GFAP: variants seen among roughly 807,000 people sequenced by gnomAD.
GFAP encodes glial fibrillary acidic protein.
A neutral mutation model predicts 49.3 loss-of-function variants in GFAP; 38 were observed. That is an observed-to-expected ratio of 0.77 (90% CI 0.60 to 1.01). The LOEUF (loss-of-function observed/expected upper bound fraction) is 1.01, where lower values mean the gene tolerates loss of function less well. GFAP is among the 50% of genes least tolerant of loss of function. The pLI, the probability that GFAP is intolerant of heterozygous loss-of-function variation, is 0.00. For synonymous variants in GFAP, 222 were observed against 236.4 expected, an observed-to-expected ratio of 0.94 and a Z score of 0.56; for missense variants, 463 against 579.1, an observed-to-expected ratio of 0.80 and a Z score of 2.06.
Position 44,904,659 on chromosome 17 carries a change from A to T in GFAP, c.*2688T>A, listed in dbSNP as rs769540429. 1 of 1,550,370 alleles carries T rather than the reference A, an allele frequency of 6.5e-7. No individual in the cohort carries two copies. The highest frequency in any genetic ancestry group is 8.7e-7 in the Non-Finnish European group (1 of 1,146,990). ...GTGCCCCAGGTGCCCATTCAGTTCC[A>T]CCAGCAGAGACTGGGCCATGGACTC... is the stretch of plus-strand genomic sequence containing the variant. On this transcript the variant is annotated 3_prime_UTR_variant, in exon 9 of 9. Coordinates refer to ENST00000588735, the MANE Select transcript of GFAP (RefSeq NM_002055.5).
rs2051607806 is a variant in GFAP at position 44,904,026 on chromosome 17, T to C, written c.*3321A>G. ...GAAGAGGTGCCAGCTGTAGTCTGGT[T>C]CTACCAAAAGCACCTAGGTAGCAGC... On this transcript the variant is annotated 3_prime_UTR_variant, in exon 9 of 9. Transcript: ENST00000588735. The C allele has an allele frequency of 1.3e-6, 2 of 1,550,530 alleles. No homozygotes were observed. The highest frequency in any genetic ancestry group is 3.9e-5 in the Admixed American group (2 of 50,984).
At position 44,907,272 on chromosome 17, in the gene GFAP, A is replaced by T; in HGVS notation, c.*75T>A. On this transcript the variant is annotated 3_prime_UTR_variant, in exon 9 of 9. Coordinates refer to ENST00000588735, the MANE Select transcript of GFAP (RefSeq NM_002055.5). The stretch of plus-strand genomic sequence containing the variant: ...CTCAGGTCTGGGGAAATGTGCCAGC[A>T]GAGGCGGAGCAACTATCCTGCTTCT... 1 of 1,380,308 alleles carries T rather than the reference A, an allele frequency of 7.2e-7. No individual in the cohort carries two copies. The highest frequency in any genetic ancestry group is 1.0e-6 in the Non-Finnish European group (1 of 967,360). 85.5% of individuals were successfully genotyped at this position (1,380,308 alleles called of 1,614,324 possible).
intron 1 of GFAP, chr17:44,914,367 A>G (rs908659470): frequency 6.3e-6 from 2 of 317,502 alleles, no homozygotes; most frequent in South Asian, 3.9e-5. Context: ...TCACTGTTGC[A>G]CACACACACA....
chr17:44,907,500 AC>A, intron 8 of GFAP, 112 bp from the exon 9 acceptor site: 13 of 770,650 alleles, frequency 1.7e-5, no homozygotes, highest in Middle Eastern at 2.3e-4. Context: ...CCCAGGTCTT[AC>A]TTTTCTTGAT....
Position 44,914,015 on chromosome 17 carries a change from C to T in GFAP, c.522+13G>A, listed in dbSNP as rs778488589. 2 of 1,541,608 alleles carry T rather than the reference C, an allele frequency of 1.3e-6. No homozygotes were observed. Among genetic ancestry groups the T allele is most frequent in the South Asian group, 2.4e-5 (2 of 84,786 alleles). On this transcript the variant is annotated intron_variant, in intron 2 of 8. Coordinates refer to ENST00000588735, the MANE Select transcript of GFAP (RefSeq NM_002055.5). ...TTCCTCCCTCCCCTGCCCCTCCCCT[C>T]CACCTCCCTGACCTGTCTATAGGCA...
intron 7 of GFAP, 86 bp from the exon 8 acceptor site, chr17:44,908,235 C>G (rs544149721): frequency 1.2e-5 from 11 of 893,922 alleles, no homozygotes; most frequent in African/African-American, 8.2e-5. Context: ...ATCGCACCCC[C>G]CTCCCCATCA....
intron 4 of GFAP, among the ~76,000 whole-genome samples, chr17:44,912,120 T>TG: frequency 6.6e-6 from 1 of 151,560 alleles, no homozygotes. Flanking sequence ...TTTTGTTTTT[T>TG]TGTTTTTTTT....
chr17:44,905,220 G>A lies in GFAP; in HGVS notation c.*2127C>T, dbSNP rs982533214. The A allele has an allele frequency of 1.5e-6, 1 of 661,882 alleles. No homozygotes were observed. Among genetic ancestry groups the A allele is most frequent in the Non-Finnish European group, 2.6e-6 (1 of 381,536 alleles). 41.0% of individuals were successfully genotyped at this position (661,882 alleles called of 1,614,324 possible). On this transcript the variant is annotated 3_prime_UTR_variant, in exon 9 of 9. Transcript: ENST00000588735. The stretch of plus-strand genomic sequence containing the variant: ...GCCTGCTCCCCATTTTCATGGGCAG[G>A]TCTGGGACCTGATCTGAGAAGTGGA...
chr17:44,913,720 G>A lies in GFAP; in HGVS notation c.618+8C>T, dbSNP rs752672003. 31 of 1,599,302 alleles carry A rather than the reference G, an allele frequency of 1.9e-5. No individual in the cohort carries two copies. The Admixed American group carries it at 5.0e-4, about 26-fold the overall frequency. ...TGTTGAGCTTTCCTCCCTCTGCCCTGGCCTCACCTCCTCGTGGATCTTCCT... is the reference window on the plus strand; with the variant it reads ...TGTTGAGCTTTCCTCCCTCTGCCCTAGCCTCACCTCCTCGTGGATCTTCCT... On this transcript the variant is annotated splice_region_variant and intron_variant, in intron 3 of 8. Coordinates refer to ENST00000588735, the MANE Select transcript of GFAP (RefSeq NM_002055.5).
In GFAP at chr17:44,905,463, G is replaced by A. The variant is rs2145622386; in HGVS notation, c.*1884C>T. 4.9e-6 allele frequency: 1 copy of A among 205,124 alleles called. No individual in the cohort carries two copies. Among genetic ancestry groups the A allele is most frequent in the East Asian group, 1.5e-4 (1 of 6,850 alleles). The allele number at this position is 205,124 out of a possible 1,614,324, so 12.7% of individuals were successfully genotyped here. The stretch of plus-strand genomic sequence containing the variant: ...TGCAGGTAGCAGGGAGAGGAAGGAA[G>A]AAAAGAGTGGAGGGAGCTGGTGTAT... On this transcript the variant is annotated 3_prime_UTR_variant, in exon 9 of 9. Coordinates refer to ENST00000588735, the MANE Select transcript of GFAP (RefSeq NM_002055.5).
chr17:44,910,569 G>C, intron 7 of GFAP, 46 bp downstream of exon 7: 3 of 1,558,256 alleles, frequency 1.9e-6, no homozygotes, highest in Non-Finnish European at 2.6e-6. Context: ...CCTGGAGGAG[G>C]GGGCAGGACT....
In GFAP at chr17:44,903,518, T is replaced by C; in HGVS notation, c.*3829A>G. ...CGAGCACCTCGGCCCGCCCTTCTCA[T>C]TCCGGTTTCCTTTGACCCATTCTTG... On this transcript the variant is annotated 3_prime_UTR_variant, in exon 9 of 9. Transcript: ENST00000588735. 7.8e-7 allele frequency: 1 copy of C among 1,285,904 alleles called. No individual in the cohort carries two copies. The highest frequency in any genetic ancestry group is 9.8e-7 in the Non-Finnish European group (1 of 1,020,150). The allele number at this position is 1,285,904 out of a possible 1,614,324, so 79.7% of individuals were successfully genotyped here.
rs1453848416 is a variant in GFAP, at chr17:44,904,895, C to T, written c.*2452G>A. ...GCAGGGTGTGCTAGTTGCTGGCTTC[C>T]GGCTGGGTGTGACATCTCATGGGCA... is the stretch of plus-strand genomic sequence containing the variant. On this transcript the variant is annotated 3_prime_UTR_variant, in exon 9 of 9. Coordinates refer to ENST00000588735, the MANE Select transcript of GFAP (RefSeq NM_002055.5). 1.8e-5 allele frequency: 28 copies of T among 1,550,422 alleles called. No homozygotes were observed. In the Middle Eastern group the frequency reaches 6.7e-4, roughly 37 times the overall value.
intron 8 of GFAP, chr17:44,907,842 A>G (rs74378074): frequency 3.1e-6 from 2 of 651,170 alleles, no homozygotes; most frequent in African/African-American, 1.8e-5. Flanking sequence ...TTAGGATCCC[A>G]TCTAGTGGCT....
At chr17:44,914,870 C>T (rs1161976373) in intron 1 of GFAP, 156 bp downstream of exon 1, 4 of 668,196 alleles carry the variant, frequency 6.0e-6, no homozygotes, top group South Asian at 1.9e-5. Context: ...CTGGTCCCTC[C>T]CATCATGTTG....
rs772716063 is a variant in GFAP at position 44,910,227 on chromosome 17, T to G, written c.1171+388A>C. 6 of 1,613,940 alleles carry G rather than the reference T, an allele frequency of 3.7e-6. No individual in the cohort carries two copies. The South Asian group carries it at 6.6e-5, about 18-fold the overall frequency. On this transcript the variant is annotated intron_variant, in intron 7 of 8. Transcript: ENST00000588735. ...GAGGCTTTTGAGATATCTTGTGACC[T>G]TGTGATTTTCCCCGTCTTTGGTGCT...
Position 44,911,376 on chromosome 17 carries a change from C to G in GFAP, c.987G>C (p.Ala329=), listed in dbSNP as rs375872073. ...REAASYQEAL[A]RLEEEGQSLK... is the part of the protein sequence containing the mutation. The stretch of plus-strand genomic sequence containing the variant: ...GGCTCTGCCCCTCTTCCTCCAGCCG[C>G]GCCAGCGCCTCCTGATAACTGGCCG... The change falls in exon 6 of 9, where the codon GCG becomes GCC. Residue 329 remains alanine, a synonymous_variant. Transcript: ENST00000588735. 4 of 1,614,028 alleles carry G rather than the reference C, an allele frequency of 2.5e-6. No individual in the cohort carries two copies. Among genetic ancestry groups the G allele is most frequent in the Non-Finnish European group, 3.4e-6 (4 of 1,180,022 alleles).
At position 44,904,192 on chromosome 17, in the gene GFAP, C is replaced by T. The variant is rs957135444; in HGVS notation, c.*3155G>A. On this transcript the variant is annotated 3_prime_UTR_variant, in exon 9 of 9. Transcript: ENST00000588735. ...TCAGGGCTCAGTCTGAGGACTCAGG[C>T]CTGTACTTCTGCGGCACCCGCAAGG... is the stretch of plus-strand genomic sequence containing the variant. The T allele has an allele frequency of 5.2e-6, 8 of 1,550,436 alleles. No homozygotes were observed. In the African/African-American group the frequency reaches 9.6e-5, roughly 19 times the overall value.
At chr17:44,909,839 C>T (rs535280195) in intron 7 of GFAP, 3 of 1,238,574 alleles carry the variant, frequency 2.4e-6, no homozygotes, top group East Asian at 4.0e-5. Context: ...CCAAGGGGCC[C>T]TCCCAGTGAC....
Sources: allele counts gnomAD v4.1 joint callset (sites outside exome capture counted in the v4.1 genomes callset), GRCh38; gene constraint gnomAD v4.1.1; transcripts MANE v1.5; gene names NCBI Gene and HGNC (gene_info 2026-07-23, HGNC 2026-07-21).